The following SLC9A9 variants were observed in gnomAD, a reference collection of about 807,000 sequenced individuals.
The protein encoded by SLC9A9 is sodium/hydrogen exchanger 9.
In SLC9A9, 62 loss-of-function variants were observed where a neutral mutation model predicts 77.8. That is an observed-to-expected ratio of 0.80 (90% CI 0.65 to 0.98). SLC9A9 has a LOEUF of 0.98. Ranked by LOEUF, SLC9A9 falls within the 50% of genes least tolerant of loss-of-function variation. The pLI is 0.00. For synonymous variants in SLC9A9, 320 were observed against 283.5 expected, an observed-to-expected ratio of 1.13 and a Z score of -1.29; for missense variants, 775 against 774.9, an observed-to-expected ratio of 1.00 and a Z score of 0.00.
intron 8 of SLC9A9, among the ~76,000 whole-genome samples, chr3:143,568,707 C>T (rs745403711): frequency 1.8e-4 from 27 of 152,194 alleles, no homozygotes; most frequent in Middle Eastern, 3.4e-3. Flanking sequence ...ACTGCTCGAA[C>T]GATATTTATT....
At chr3:143,835,480 T>C (rs1009459200) in intron 1 of SLC9A9, among the ~76,000 whole-genome samples, 1 of 152,220 alleles carries the variant, frequency 6.6e-6, no homozygotes, top group African/African-American at 2.4e-5. Flanking sequence ...TACTTACCCA[T>C]AGAGCCTCAT....
intron 2 of SLC9A9, among the ~76,000 whole-genome samples, chr3:143,815,720 G>T (rs531299391): frequency 2.6e-5 from 4 of 151,646 alleles, no homozygotes; most frequent in Non-Finnish European, 4.4e-5. Context: ...AAAAAAATTA[G>T]CTGGGCATGG....
chr3:143,618,331 G>A (rs1324063219), intron 6 of SLC9A9, among the ~76,000 whole-genome samples: 1 of 152,136 alleles, frequency 6.6e-6, no homozygotes, highest in Non-Finnish European at 1.5e-5. Context: ...GTATAGAGAG[G>A]GTCTTTGGAA....
chr3:143,287,323 C>T (rs568567184), intron 14 of SLC9A9, among the ~76,000 whole-genome samples: 20 of 152,048 alleles, frequency 1.3e-4, no homozygotes, highest in African/African-American at 4.6e-4. Context: ...ACTAATAAAG[C>T]AAACTGATTT....
intron 4 of SLC9A9, among the ~76,000 whole-genome samples, chr3:143,707,408 T>C (rs1221674940): frequency 6.7e-6 from 1 of 148,226 alleles, no homozygotes; most frequent in Non-Finnish European, 1.5e-5. Context: ...ACACCCCAGC[T>C]GGGAAGCCAT....
chr3:143,700,822 G>C (rs974135967), intron 4 of SLC9A9, among the ~76,000 whole-genome samples: 1 of 152,226 alleles, frequency 6.6e-6, no homozygotes, highest in Non-Finnish European at 1.5e-5. Flanking sequence ...GCAGCAGCCA[G>C]GGAGTGGTTA....
intron 12 of SLC9A9, among the ~76,000 whole-genome samples, chr3:143,400,531 AG>A (rs2033830848): frequency 6.6e-6 from 1 of 152,058 alleles, no homozygotes; most frequent in Non-Finnish European, 1.5e-5. Context: ...TTGGGGAGTC[AG>A]GGCAAAGGCT....
intron 4 of SLC9A9, among the ~76,000 whole-genome samples, chr3:143,699,210 T>G (rs941761717): frequency 6.6e-6 from 1 of 152,176 alleles, no homozygotes; most frequent in African/African-American, 2.4e-5. Context: ...TAATTAATAA[T>G]ATACATAATT....
chr3:143,656,566 T>C (rs2038892914), intron 5 of SLC9A9, among the ~76,000 whole-genome samples: 1 of 152,174 alleles, frequency 6.6e-6, no homozygotes, highest in South Asian at 2.1e-4. Context: ...TGACCCCTAT[T>C]TTCTAAGTGT....
At chr3:143,391,511 C>A (rs1337554303) in intron 12 of SLC9A9, among the ~76,000 whole-genome samples, 1 of 152,200 alleles carries the variant, frequency 6.6e-6, no homozygotes, top group Non-Finnish European at 1.5e-5. Context: ...AAAAACAGAG[C>A]AGAAATTCTG....
chr3:143,522,268 A>G (rs548681535), intron 9 of SLC9A9, among the ~76,000 whole-genome samples: 1 of 152,326 alleles, frequency 6.6e-6, no homozygotes, highest in African/African-American at 2.4e-5. Flanking sequence ...ACCAACAAAT[A>G]TATCCCAAAA....
At chr3:143,399,577 G>A (rs2033804876) in intron 12 of SLC9A9, among the ~76,000 whole-genome samples, 1 of 152,172 alleles carries the variant, frequency 6.6e-6, no homozygotes. Flanking sequence ...GCAAGAATAT[G>A]TTGTAAAACA....
chr3:143,441,217 C>T (rs1472509843), intron 12 of SLC9A9, among the ~76,000 whole-genome samples: 1 of 152,118 alleles, frequency 6.6e-6, no homozygotes, highest in African/African-American at 2.4e-5. Context: ...TAGAATTCCT[C>T]TTGACTCTTT....
rs535295463 is a variant in SLC9A9, at chr3:143,789,986, T to C, written c.533+5015A>G. Among the ~76,000 whole-genome samples, 3 of 152,342 alleles carry C rather than the reference T, an allele frequency of 2.0e-5. No individual in the cohort carries two copies. In the East Asian group the frequency reaches 5.8e-4, roughly 29 times the overall value. The stretch of plus-strand genomic sequence containing the variant: ...GGCTGTGTCCCTACCCCAAATCTCA[T>C]GTTGAATAGTAATCTGAATTATAAT... On this transcript the variant is annotated intron_variant, in intron 4 of 15. Transcript: ENST00000316549.
rs143442403 is a variant in SLC9A9, at chr3:143,733,660, A to T, written c.534-40353T>A. Among the ~76,000 whole-genome samples the T allele has an allele frequency of 1.8e-4, 27 of 152,192 alleles. No homozygotes were observed. In the East Asian group the frequency reaches 5.2e-3, roughly 30 times the overall value. On this transcript the variant is annotated intron_variant, in intron 4 of 15. Transcript: ENST00000316549. ...GACTCCTGGTAGAGAGACAGGCAAG[A>T]TAGCCAGCAGACCCAAGAGGGCTTG...
Position 143,787,712 on chromosome 3 carries a change from G to C in SLC9A9, c.533+7289C>G, listed in dbSNP as rs116795563. Among the ~76,000 whole-genome samples, 1,470 of 152,140 alleles carry C rather than the reference G, an allele frequency of 9.7e-3. 19 individuals are homozygous for C. Among genetic ancestry groups the C allele is most frequent in the African/African-American group, 0.033 (1,372 of 41,508 alleles). On this transcript the variant is annotated intron_variant, in intron 4 of 15. Coordinates refer to ENST00000316549, the MANE Select transcript of SLC9A9 (RefSeq NM_173653.4). ...GTTAATAGAATCTGAGTGTTTCCAA[G>C]TTTTTGCTATTGTGAAGTGTTGCTA...
intron 12 of SLC9A9, among the ~76,000 whole-genome samples, chr3:143,415,694 T>C (rs753009743): frequency 1.3e-5 from 2 of 152,224 alleles, no homozygotes. Context: ...ATTGATGTTT[T>C]TGTGGCTAAT....
intron 12 of SLC9A9, among the ~76,000 whole-genome samples, chr3:143,387,368 T>C (rs2033452983): frequency 6.6e-6 from 1 of 152,044 alleles, no homozygotes. Context: ...CATGCAGCCT[T>C]AGAAAAGGTA....
intron 6 of SLC9A9, among the ~76,000 whole-genome samples, chr3:143,651,678 C>T (rs950719248): frequency 6.6e-6 from 1 of 152,284 alleles, no homozygotes; most frequent in South Asian, 2.1e-4. Context: ...AAGGAAAGAG[C>T]ACTGGCTCTC....
Sources: gnomAD v4.1 joint callset for allele counts (sites outside exome capture counted in the v4.1 genomes callset) on GRCh38, gnomAD v4.1.1 for gene constraint, MANE v1.5 for transcripts, NCBI Gene and HGNC (gene_info 2026-07-23, HGNC 2026-07-21) for gene names.